The following CNTNAP3B variants were observed in gnomAD, a reference collection of about 807,000 sequenced individuals.
CNTNAP3B encodes the protein contactin associated protein family member 3B, also known as contactin-associated protein-like 3B.
A neutral mutation model predicts 108.9 loss-of-function variants in CNTNAP3B; 25 were observed. The observed-to-expected ratio is 0.23, with a 90% CI of 0.17 to 0.32. The LOEUF is 0.32. Among genes scored for constraint, CNTNAP3B ranks in the 10% least tolerant of loss-of-function variants. The pLI is 1.00. For missense variants in CNTNAP3B, 252 were observed against 1,210.4 expected (o/e 0.21, Z 11.75); for synonymous variants, 103 against 473.4 (o/e 0.22, Z 10.16).
chr9:41,941,920 T>C (rs1291072509), intron 13 of CNTNAP3B, among the ~76,000 whole-genome samples: 2 of 152,182 alleles, frequency 1.3e-5, no homozygotes, highest in Admixed American at 6.5e-5. Context: ...AAAAACGCTC[T>C]TATGTCTCCA....
intron 16 of CNTNAP3B, 54 bp downstream of exon 16, chr9:41,923,869 C>G: frequency 1.3e-6 from 2 of 1,599,792 alleles, no homozygotes; most frequent in Non-Finnish European, 8.5e-7. Context: ...TGAGTTAAAG[C>G]TTTTATTGCT....
At chr9:41,968,461 T>C (rs989909513) in intron 10 of CNTNAP3B, among the ~76,000 whole-genome samples, 1 of 140,816 alleles carries the variant, frequency 7.1e-6, no homozygotes. Context: ...CCCAGCTGTG[T>C]GCCAAGAATT....
chr9:41,979,041 G>C lies in CNTNAP3B; in HGVS notation c.1477+7127C>G, dbSNP rs970426829. On this transcript the variant is annotated intron_variant, in intron 9 of 23. Coordinates refer to ENST00000377561, the MANE Select transcript of CNTNAP3B (RefSeq NM_001201380.3). ...GGTTCATCCCCAGGTGGGATGTGGG[G>C]TCAGGGAGGAACCCAGTAAACAGCC... Among the ~76,000 whole-genome samples, 8 of 138,854 alleles carry C rather than the reference G, an allele frequency of 5.8e-5. 2 individuals are homozygous for C. The South Asian group carries it at 1.6e-3, about 29-fold the overall frequency. The allele number at this position is 138,854 out of a possible 152,430, so 91.1% of individuals were successfully genotyped here.
chr9:41,934,097 T>TTACATATATATATATATATA (rs1824065763), intron 14 of CNTNAP3B, among the ~76,000 whole-genome samples: 1 of 20,004 alleles, frequency 5.0e-5, no homozygotes, highest in Non-Finnish European at 1.0e-4. Flanking sequence ...TGCATATTTG[T>TTACATATATATATATATATA]TACATATATA....
chr9:41,939,152 G>A (rs1824252423), intron 13 of CNTNAP3B, among the ~76,000 whole-genome samples: 1 of 152,294 alleles, frequency 6.6e-6, no homozygotes. Flanking sequence ...TGAAGATTGG[G>A]GTGATGGACT....
intron 3 of CNTNAP3B, among the ~76,000 whole-genome samples, chr9:42,071,848 T>C (rs1435857459): frequency 6.7e-6 from 1 of 149,622 alleles, no homozygotes; most frequent in African/African-American, 2.5e-5. Flanking sequence ...TCCACGCATA[T>C]TGGCTCAAGC....
In CNTNAP3B at chr9:42,118,486, C is replaced by T. The variant is rs1165614124; in HGVS notation, c.85+10524G>A. On this transcript the variant is annotated intron_variant, in intron 1 of 23. Transcript: ENST00000377561. ...TGACAAAATTCAAAGACGCTTCATG[C>T]TAAAAACTCTCAACAAATTAGGTAT... Among the ~76,000 whole-genome samples the T allele has an allele frequency of 8.1e-5, 11 of 136,134 alleles. 3 individuals carry two copies. Among genetic ancestry groups the T allele is most frequent in the Non-Finnish European group, 1.7e-4 (11 of 64,004 alleles). The allele number at this position is 136,134 out of a possible 152,430, so 89.3% of individuals were successfully genotyped here.
chr9:42,086,439 T>G (rs1161606228), intron 2 of CNTNAP3B, among the ~76,000 whole-genome samples: 1 of 139,672 alleles, frequency 7.2e-6, no homozygotes. Context: ...TACTTTTTTT[T>G]TTTACATTTT....
rs1824606912 is a variant in CNTNAP3B at position 41,948,954 on chromosome 9, C to G, written c.2080+4229G>C. Among the ~76,000 whole-genome samples, 2 of 97,978 alleles carry G rather than the reference C, an allele frequency of 2.0e-5. 1 individual carries two copies. The highest frequency in any genetic ancestry group is 7.7e-5 in the African/African-American group (2 of 26,060). 64.3% of individuals were successfully genotyped at this position (97,978 alleles called of 152,430 possible). On this transcript the variant is annotated intron_variant, in intron 13 of 23. Transcript: ENST00000377561. Reference sequence around the variant, plus strand: ...CAATAAAGCAAGAAAAATAAATTAACTCCCTACAGATTGACGAGGAAGAAA... The same window carrying G: ...CAATAAAGCAAGAAAAATAAATTAAGTCCCTACAGATTGACGAGGAAGAAA...
At chr9:42,047,324 C>G (rs1161757208) in intron 3 of CNTNAP3B, among the ~76,000 whole-genome samples, 1 of 127,466 alleles carries the variant, frequency 7.8e-6, no homozygotes, top group Non-Finnish European at 1.6e-5. Context: ...AGAAAATTAG[C>G]CTTCAGCATA....
intron 12 of CNTNAP3B, among the ~76,000 whole-genome samples, chr9:41,958,031 G>A (rs1452544392): frequency 3.4e-4 from 52 of 152,328 alleles, no homozygotes; most frequent in Middle Eastern, 3.4e-3. Context: ...CACAGTGCTG[G>A]GATTACAGGC....
intron 15 of CNTNAP3B, among the ~76,000 whole-genome samples, chr9:41,927,458 G>C (rs1258509482): frequency 1.3e-5 from 2 of 151,176 alleles, no homozygotes; most frequent in African/African-American, 4.9e-5. Flanking sequence ...AAAGAAGAGA[G>C]GGAGGGAGGG....
intron 1 of CNTNAP3B, among the ~76,000 whole-genome samples, chr9:42,115,301 C>T (rs1828289870): frequency 1.5e-5 from 2 of 133,186 alleles, no homozygotes; most frequent in Admixed American, 1.5e-4. Flanking sequence ...TCTACAGCTC[C>T]CAGCATGAAC....
intron 14 of CNTNAP3B, among the ~76,000 whole-genome samples, chr9:41,936,921 T>A (rs1824174066): frequency 1.3e-5 from 2 of 152,310 alleles, no homozygotes; most frequent in East Asian, 3.8e-4. Flanking sequence ...TAGATTCAAG[T>A]GAGTTTTCCC....
At position 42,035,531 on chromosome 9, in the gene CNTNAP3B, C is replaced by T. The variant is rs867130925; in HGVS notation, c.391-22006G>A. Among the ~76,000 whole-genome samples the T allele has an allele frequency of 1.1e-4, 16 of 147,152 alleles. 2 individuals carry two copies. The highest frequency in any genetic ancestry group is 2.6e-4 in the African/African-American group (10 of 39,086). On this transcript the variant is annotated intron_variant, in intron 3 of 23. Coordinates refer to ENST00000377561, the MANE Select transcript of CNTNAP3B (RefSeq NM_001201380.3). ...GGTGGGACTTTGGACAAAAATCCTT[C>T]AGTGCCTCAGTTTCCTCATCCATAA... is the stretch of plus-strand genomic sequence containing the variant.
intron 9 of CNTNAP3B, among the ~76,000 whole-genome samples, chr9:41,970,889 T>C (rs1825415764): frequency 6.8e-6 from 1 of 147,410 alleles, no homozygotes; most frequent in Non-Finnish European, 1.5e-5. Context: ...TAAATTCTAA[T>C]GTTAACAACA....
At chr9:41,920,910 T>C (rs1821091174) in intron 17 of CNTNAP3B, among the ~76,000 whole-genome samples, 1 of 152,300 alleles carries the variant, frequency 6.6e-6, no homozygotes, top group Non-Finnish European at 1.5e-5. Flanking sequence ...AGTAATTGAA[T>C]ACTGCATGCA....
intron 14 of CNTNAP3B, among the ~76,000 whole-genome samples, chr9:41,936,069 C>A (rs1406148934): frequency 6.6e-5 from 10 of 152,320 alleles, no homozygotes. Flanking sequence ...GGTTCTGTAA[C>A]AAAAAAACAG....
chr9:42,127,313 C>A lies in CNTNAP3B; in HGVS notation c.85+1697G>T, dbSNP rs1263420601. ...ACTGTAAATGAGAAGAGCTTAATTT[C>A]TATGGGCTTTGTAATCCTTCCACTG... On this transcript the variant is annotated intron_variant, in intron 1 of 23. Coordinates refer to ENST00000377561, the MANE Select transcript of CNTNAP3B (RefSeq NM_001201380.3). Among the ~76,000 whole-genome samples, 4 of 138,892 alleles carry A rather than the reference C, an allele frequency of 2.9e-5. 1 individual carries two copies. The South Asian group carries it at 9.3e-4, about 32-fold the overall frequency. The allele number at this position is 138,892 out of a possible 152,430, so 91.1% of individuals were successfully genotyped here. A position where few individuals can be genotyped will look rare whatever the true frequency, so the allele number is the denominator to read the frequency against.
Sources: allele counts gnomAD v4.1 joint callset (sites outside exome capture counted in the v4.1 genomes callset), GRCh38; gene constraint gnomAD v4.1.1; transcripts MANE v1.5; gene names NCBI Gene and HGNC (gene_info 2026-07-23, HGNC 2026-07-21).